AUTS2: variants seen among roughly 807,000 people sequenced by gnomAD.
AUTS2 encodes autism susceptibility gene 2 protein.
Under a neutral mutation model 112.4 loss-of-function variants are expected in AUTS2, and 17 were observed. The ratio of observed to expected loss-of-function variants is 0.15; its 90% CI spans 0.10 to 0.23. The LOEUF is 0.23. AUTS2 is among the 10% of genes least tolerant of loss of function. The pLI, the probability that AUTS2 is intolerant of heterozygous loss-of-function variation, is 1.00. For synonymous variants in AUTS2, 751 were observed against 702.7 expected (o/e 1.07, Z -1.09); for missense variants, 1,510 against 1,701.6 (o/e 0.89, Z 1.98).
At position 70,222,937 on chromosome 7, in the gene AUTS2, G is replaced by T. The variant is rs572855717; in HGVS notation, c.660+88366G>T. On this transcript the variant is annotated intron_variant, in intron 4 of 18. Transcript: ENST00000342771. ...AAGTCTCGCCCTGTCACCCAGGCTG[G>T]AGTGCAATGGCGTGATCTCAGCTCA... 1.5e-3 allele frequency among the ~76,000 whole-genome samples: 228 copies of T among 150,782 alleles called. 2 individuals carry two copies. Among genetic ancestry groups the T allele is most frequent in the African/African-American group, 4.7e-3 (193 of 40,862 alleles).
intron 2 of AUTS2, among the ~76,000 whole-genome samples, chr7:70,018,886 G>A (rs982547610): frequency 2.6e-5 from 4 of 152,132 alleles, no homozygotes; most frequent in African/African-American, 9.7e-5. Flanking sequence ...AGAAATAACA[G>A]TCAACTCAGC....
At chr7:69,638,895 G>A (rs971314248) in intron 1 of AUTS2, among the ~76,000 whole-genome samples, 2 of 152,238 alleles carry the variant, frequency 1.3e-5, no homozygotes, top group African/African-American at 4.8e-5. Context: ...GGGCACAGAG[G>A]TGCCTTGTGT....
At chr7:69,601,059 C>T (rs1449331527) in intron 1 of AUTS2, among the ~76,000 whole-genome samples, 1 of 151,998 alleles carries the variant, frequency 6.6e-6, no homozygotes. Flanking sequence ...GACCTGTCTC[C>T]TTTGGTGTGG....
chr7:69,970,494 C>T (rs1286740831), intron 2 of AUTS2, among the ~76,000 whole-genome samples: 2 of 152,168 alleles, frequency 1.3e-5, no homozygotes, highest in Non-Finnish European at 2.9e-5. Context: ...TAAGGCATCC[C>T]TATCCAGCCA....
chr7:70,780,255 G>A (rs1790980734), intron 14 of AUTS2, among the ~76,000 whole-genome samples: 1 of 152,106 alleles, frequency 6.6e-6, no homozygotes, highest in Non-Finnish European at 1.5e-5. Flanking sequence ...CTGGTGCAAG[G>A]GCCTCCAGCC....
chr7:69,998,641 A>G (rs1408838011), intron 2 of AUTS2, among the ~76,000 whole-genome samples: 1 of 152,232 alleles, frequency 6.6e-6, no homozygotes, highest in Non-Finnish European at 1.5e-5. Context: ...TGTAAGTAGT[A>G]TTGAAGTTAC....
chr7:70,103,930 A>G (rs1321519255), intron 2 of AUTS2, among the ~76,000 whole-genome samples: 1 of 151,970 alleles, frequency 6.6e-6, no homozygotes, highest in African/African-American at 2.4e-5. Context: ...AATAAATGAA[A>G]ATAAAAATAA....
chr7:70,526,317 T>C (rs1350240277), intron 5 of AUTS2, among the ~76,000 whole-genome samples: 3 of 152,212 alleles, frequency 2.0e-5, no homozygotes, highest in Non-Finnish European at 2.9e-5. Context: ...TTATTCTTCC[T>C]GAAGAGTCCT....
chr7:70,053,489 G>C (rs1383842648), intron 2 of AUTS2, among the ~76,000 whole-genome samples: 1 of 150,250 alleles, frequency 6.7e-6, no homozygotes, highest in East Asian at 2.0e-4. Context: ...AAATTTCAGT[G>C]TTTTTTGCGT....
At chr7:69,804,732 G>T (rs1463904730) in intron 1 of AUTS2, among the ~76,000 whole-genome samples, 2 of 152,178 alleles carry the variant, frequency 1.3e-5, no homozygotes, top group African/African-American at 4.8e-5. Flanking sequence ...CACATTTCTT[G>T]TCTCGATTTG....
chr7:70,731,534 A>G (rs1464069915), intron 6 of AUTS2, among the ~76,000 whole-genome samples: 1 of 140,626 alleles, frequency 7.1e-6, no homozygotes, highest in East Asian at 2.2e-4. Context: ...GGTTCATGCC[A>G]TTCTCCTGCC....
intron 4 of AUTS2, among the ~76,000 whole-genome samples, chr7:70,389,383 G>A (rs1326043782): frequency 6.6e-6 from 1 of 152,154 alleles, no homozygotes. Flanking sequence ...TCTCACAGGT[G>A]CCATCATCAC....
intron 5 of AUTS2, among the ~76,000 whole-genome samples, chr7:70,483,805 G>GA (rs34809333): frequency 0.39 from 58,507 of 150,540 alleles, 13,022 homozygotes; most frequent in African/African-American, 0.63. Flanking sequence ...AAAGGAGAAA[G>GA]AAAAAAAAAA....
At chr7:70,171,358 T>G (rs1479997858) in intron 4 of AUTS2, among the ~76,000 whole-genome samples, 1 of 152,224 alleles carries the variant, frequency 6.6e-6, no homozygotes, top group Non-Finnish European at 1.5e-5. Flanking sequence ...GCAGTTCTAT[T>G]CTGAGAGGTA....
intron 6 of AUTS2, among the ~76,000 whole-genome samples, chr7:70,730,512 A>G (rs147885506): frequency 3.3e-5 from 5 of 152,292 alleles, no homozygotes; most frequent in East Asian, 1.9e-4. Context: ...GTCATACAAC[A>G]TGTGATCTTT....
chr7:70,435,787 AC>A lies in AUTS2; in HGVS notation c.690+13del, dbSNP rs561727718. ...ACAGTGACCAGGAAGAGAAGGTAAGACCCCCCCTCCCCCATTGTGGGCACAG... is the reference window on the plus strand; with the variant it reads ...ACAGTGACCAGGAAGAGAAGGTAAGACCCCCCTCCCCCATTGTGGGCACAG... On this transcript the variant is annotated splice_region_variant and intron_variant, in intron 5 of 18. Transcript: ENST00000342771. 1.1e-4 allele frequency: 170 copies of A among 1,612,538 alleles called. No homozygotes were observed. Among genetic ancestry groups the A allele is most frequent in the East Asian group, 1.8e-4 (8 of 44,830 alleles).
chr7:69,614,664 G>A (rs1024243428), intron 1 of AUTS2, among the ~76,000 whole-genome samples: 32 of 151,816 alleles, frequency 2.1e-4, no homozygotes, highest in Middle Eastern at 3.4e-3. Context: ...TTTTTGGAGG[G>A]GTAGAAATGG....
At chr7:70,250,895 A>G (rs1229729938) in intron 4 of AUTS2, among the ~76,000 whole-genome samples, 1 of 152,068 alleles carries the variant, frequency 6.6e-6, no homozygotes, top group Non-Finnish European at 1.5e-5. Flanking sequence ...GAGAGGATCA[A>G]AAAACTATCA....
At chr7:70,221,162 C>T (rs1042394957) in intron 4 of AUTS2, among the ~76,000 whole-genome samples, 1 of 152,366 alleles carries the variant, frequency 6.6e-6, no homozygotes, top group Admixed American at 6.5e-5. Flanking sequence ...CCTGTCTCAG[C>T]CTCCTGCATT....
Sources: allele counts gnomAD v4.1 joint callset (sites outside exome capture counted in the v4.1 genomes callset), GRCh38; gene constraint gnomAD v4.1.1; transcripts MANE v1.5; gene names NCBI Gene and HGNC (gene_info 2026-07-23, HGNC 2026-07-21).